ACBD6: variants seen among roughly 807,000 people sequenced by gnomAD.
ACBD6 encodes the protein acyl-CoA binding domain containing 6.
Under a neutral mutation model 37.2 loss-of-function variants are expected in ACBD6, and 28 were observed. That is an observed-to-expected ratio of 0.75 (90% confidence interval 0.56 to 1.03). The LOEUF is 1.03. Among genes scored for constraint, ACBD6 ranks in the 50% least tolerant of loss-of-function variants. The pLI is 0.00. For missense variants in ACBD6, 340 were observed against 337.4 expected, an observed-to-expected ratio of 1.01 and a Z score of -0.06; for synonymous variants, 113 against 126.8, an observed-to-expected ratio of 0.89 and a Z score of 0.73.
At chr1:180,451,755 T>C (rs1649715758) in intron 3 of ACBD6, among the ~76,000 whole-genome samples, 1 of 151,888 alleles carries the variant, frequency 6.6e-6, no homozygotes, top group African/African-American at 2.4e-5. Context: ...GGGTATGGAG[T>C]TTCTTTTTGA....
chr1:180,490,612 A>G (rs1651455138), intron 3 of ACBD6, among the ~76,000 whole-genome samples: 1 of 151,828 alleles, frequency 6.6e-6, no homozygotes, highest in Non-Finnish European at 1.5e-5. Flanking sequence ...CGTCTCTACT[A>G]AAGATAAAAA....
chr1:180,401,331 C>CAAT (rs1317805405), intron 5 of ACBD6, among the ~76,000 whole-genome samples: 1 of 152,134 alleles, frequency 6.6e-6, no homozygotes, highest in Non-Finnish European at 1.5e-5. Context: ...AGCAGCTAAC[C>CAAT]TATTAAGTGG....
intron 3 of ACBD6, among the ~76,000 whole-genome samples, chr1:180,437,308 G>A (rs945949130): frequency 1.3e-5 from 2 of 152,146 alleles, no homozygotes; most frequent in South Asian, 2.1e-4. Flanking sequence ...GCTTGTGACT[G>A]GTCAAGGGGT....
intron 3 of ACBD6, among the ~76,000 whole-genome samples, chr1:180,447,201 T>C (rs1649507185): frequency 6.6e-6 from 1 of 152,186 alleles, no homozygotes; most frequent in South Asian, 2.1e-4. Flanking sequence ...AATTTCAGCC[T>C]TTCCTAATAT....
chr1:180,434,944 C>A, intron 3 of ACBD6: 1 of 793,264 alleles, frequency 1.3e-6, no homozygotes, highest in Non-Finnish European at 2.3e-6. Context: ...ATTGAGACCA[C>A]CAAAGTCATG....
chr1:180,355,907 G>A (rs963455993), intron 6 of ACBD6, among the ~76,000 whole-genome samples: 4 of 150,442 alleles, frequency 2.7e-5, no homozygotes, highest in African/African-American at 7.4e-5. Flanking sequence ...TTGCTCTGTT[G>A]CCCAGGCTGG....
At chr1:180,431,028 T>C (rs1254676705) in intron 3 of ACBD6, among the ~76,000 whole-genome samples, 1 of 152,190 alleles carries the variant, frequency 6.6e-6, no homozygotes, top group Non-Finnish European at 1.5e-5. Flanking sequence ...ATTCCGGACA[T>C]AAATATTCCC....
At chr1:180,317,214 T>C (rs912155108) in intron 6 of ACBD6, among the ~76,000 whole-genome samples, 9 of 152,000 alleles carry the variant, frequency 5.9e-5, no homozygotes, top group African/African-American at 2.2e-4. Flanking sequence ...GTGTCAATTT[T>C]AAAAAAGAGA....
intron 6 of ACBD6, among the ~76,000 whole-genome samples, chr1:180,378,229 T>C (rs1016085450): frequency 3.9e-5 from 6 of 152,172 alleles, no homozygotes; most frequent in South Asian, 4.1e-4. Flanking sequence ...ATAACCTAAT[T>C]CCAATCAAGA....
intron 3 of ACBD6, among the ~76,000 whole-genome samples, chr1:180,463,989 G>A (rs12135463): frequency 4.6e-5 from 7 of 151,954 alleles, no homozygotes; most frequent in African/African-American, 1.7e-4. Flanking sequence ...AAAGGATTTC[G>A]ATAAAACTCA....
chr1:180,451,528 T>C (rs1231560509), intron 3 of ACBD6, among the ~76,000 whole-genome samples: 3 of 152,138 alleles, frequency 2.0e-5, no homozygotes, highest in African/African-American at 7.2e-5. Flanking sequence ...ATCCATACAA[T>C]AGAATACTAC....
chr1:180,447,538 T>C (rs1036249816), intron 3 of ACBD6, among the ~76,000 whole-genome samples: 6 of 152,156 alleles, frequency 3.9e-5, no homozygotes, highest in Admixed American at 2.0e-4. Context: ...AGGCGCAATA[T>C]GTAAGTCATT....
intron 6 of ACBD6, among the ~76,000 whole-genome samples, chr1:180,319,555 T>G (rs1477746714): frequency 4.6e-5 from 7 of 152,220 alleles, no homozygotes; most frequent in African/African-American, 1.7e-4. Flanking sequence ...TAAATTATTA[T>G]TGACCATAGT....
rs1357614723 is a variant in ACBD6 at position 180,288,500 on chromosome 1, G to C, written c.712C>G (p.Leu238Val). The change falls in exon 8 of 8, where the codon CTG becomes GTG. Residue 238 changes from leucine (L) to valine (V), a missense_variant. Physicochemically the swap from Leu to Val is conservative, Grantham distance 32. Transcript: ENST00000367595. Reference protein sequence around the residue: ...ALHYASACEFLDIVELLLQSG... With the variant: ...ALHYASACEFVDIVELLLQSG... Reference sequence around the variant, plus strand: ...TGGAGCAGCAGCTCTACAATATCCAGAAACTCACAGGCAGAGGCTGAAAGG... The same window carrying C: ...TGGAGCAGCAGCTCTACAATATCCACAAACTCACAGGCAGAGGCTGAAAGG... 1 of 1,613,400 alleles carries C rather than the reference G, an allele frequency of 6.2e-7. No individual in the cohort carries two copies. The highest frequency in any genetic ancestry group is 2.2e-5 in the East Asian group (1 of 44,858).
At chr1:180,419,557 G>C (rs981018628) in intron 4 of ACBD6, among the ~76,000 whole-genome samples, 1 of 152,126 alleles carries the variant, frequency 6.6e-6, no homozygotes, top group Admixed American at 6.5e-5. Context: ...AGGGTGGGGG[G>C]CACCGACCCC....
rs1442121974 is a variant in ACBD6 at position 180,314,253 on chromosome 1, A to AT, written c.694+438dup. On this transcript the variant is annotated intron_variant, in intron 7 of 7. Coordinates refer to ENST00000367595, the MANE Select transcript of ACBD6 (RefSeq NM_032360.4). ...ATCTTCAACTTACTAAGTTATTAAT[A>AT]TTTTTTTTTGAGATGGAGTCTCACT... 7.3e-5 allele frequency among the ~76,000 whole-genome samples: 11 copies of AT among 151,562 alleles called. No homozygotes were observed. The South Asian group carries it at 8.3e-4, about 11-fold the overall frequency.
intron 3 of ACBD6, among the ~76,000 whole-genome samples, chr1:180,470,089 A>G (rs1371544495): frequency 6.6e-6 from 1 of 152,208 alleles, no homozygotes; most frequent in East Asian, 1.9e-4. Context: ...ACAATTCCAC[A>G]TTAACATTGT....
At chr1:180,467,762 A>G (rs1456527721) in intron 3 of ACBD6, among the ~76,000 whole-genome samples, 1 of 152,150 alleles carries the variant, frequency 6.6e-6, no homozygotes, top group African/African-American at 2.4e-5. Context: ...CATTCTTTTT[A>G]TTGCTGGATA....
chr1:180,356,199 C>T (rs1392505506), intron 6 of ACBD6, among the ~76,000 whole-genome samples: 1 of 150,678 alleles, frequency 6.6e-6, no homozygotes, highest in Non-Finnish European at 1.5e-5. Flanking sequence ...AAGACAGGGT[C>T]TTACTCTGTC....
Sources: allele counts gnomAD v4.1 joint callset (sites outside exome capture counted in the v4.1 genomes callset), GRCh38; gene constraint gnomAD v4.1.1; transcripts MANE v1.5; gene names NCBI Gene and HGNC (gene_info 2026-07-23, HGNC 2026-07-21).